The following DNAH9 variants were observed in gnomAD, a reference collection of about 807,000 sequenced individuals.
DNAH9 encodes the protein DNAH9 variant protein.
In DNAH9, 345 loss-of-function variants were observed where a neutral mutation model predicts 471.6. The observed-to-expected ratio is 0.73, with a 90% CI of 0.67 to 0.80. DNAH9 has a LOEUF of 0.80. Ranked by LOEUF, DNAH9 falls within the 30% of genes least tolerant of loss-of-function variation. The pLI is 0.00. For synonymous variants in DNAH9, 2,093 were observed against 2,123.6 expected (o/e 0.99, Z 0.40); for missense variants, 5,407 against 5,609.2 (o/e 0.96, Z 1.15).
intron 48 of DNAH9, among the ~76,000 whole-genome samples, chr17:11,832,638 CCTTTT>C (rs1445154299): frequency 2.0e-5 from 3 of 151,756 alleles, no homozygotes; most frequent in Non-Finnish European, 2.9e-5. Flanking sequence ...TTTTCCCTTT[CCTTTT>C]CTTTTCTTTT....
At chr17:11,815,660 G>A (rs944355327) in intron 45 of DNAH9, among the ~76,000 whole-genome samples, 1 of 152,060 alleles carries the variant, frequency 6.6e-6, no homozygotes, top group South Asian at 2.1e-4. Flanking sequence ...TTGATGGAGC[G>A]CACCTCAGGT....
intron 9 of DNAH9, among the ~76,000 whole-genome samples, chr17:11,637,546 A>G (rs1255270079): frequency 6.6e-6 from 1 of 152,062 alleles, no homozygotes; most frequent in African/African-American, 2.4e-5. Context: ...TGCAGGAGCT[A>G]TGACCCTGCC....
At chr17:11,790,806 T>A (rs1969037593) in intron 41 of DNAH9, among the ~76,000 whole-genome samples, 1 of 152,164 alleles carries the variant, frequency 6.6e-6, no homozygotes, top group Non-Finnish European at 1.5e-5. Flanking sequence ...TAGCATAGTA[T>A]ACATCCTTTT....
At position 11,844,556 on chromosome 17, in the gene DNAH9, C is replaced by T. The variant is rs143880591; in HGVS notation, c.9508-9447C>T. Among the ~76,000 whole-genome samples, 5 of 152,164 alleles carry T rather than the reference C, an allele frequency of 3.3e-5. No homozygotes were observed. The East Asian group carries it at 7.7e-4, about 24-fold the overall frequency. Reference sequence around the variant, plus strand: ...GGGTAGCTGGGATTGCAGGCGCACACCACCATGCCCGACTAATTTTTTGTA... The same window carrying T: ...GGGTAGCTGGGATTGCAGGCGCACATCACCATGCCCGACTAATTTTTTGTA... On this transcript the variant is annotated intron_variant, in intron 49 of 68. Transcript: ENST00000262442.
intron 42 of DNAH9, among the ~76,000 whole-genome samples, chr17:11,793,991 C>G (rs1354879936): frequency 6.6e-6 from 1 of 151,534 alleles, no homozygotes; most frequent in Admixed American, 6.6e-5. Flanking sequence ...CCATTGTTTC[C>G]AAGGCCGCCA....
At chr17:11,968,075 A>G (rs939007101) in intron 68 of DNAH9, among the ~76,000 whole-genome samples, 1 of 152,182 alleles carries the variant, frequency 6.6e-6, no homozygotes, top group Non-Finnish European at 1.5e-5. Flanking sequence ...ATGATCATAG[A>G]GTTTCTTTTT....
chr17:11,626,780 T>G lies in DNAH9; in HGVS notation c.1351-2637T>G, dbSNP rs943104907. Reference sequence around the variant, plus strand: ...CTTATAATTCTCTTCTCTTGTCTATTTTTTTTCACCAACTGCTCTTCAGAT... The same window carrying G: ...CTTATAATTCTCTTCTCTTGTCTATGTTTTTTCACCAACTGCTCTTCAGAT... On this transcript the variant is annotated intron_variant, in intron 6 of 68. Transcript: ENST00000262442. The surrounding 1 kb of genome is among the most constrained non-coding windows in gnomAD (Gnocchi z 4.3). Among the ~76,000 whole-genome samples, 1 of 152,092 alleles carries G rather than the reference T, an allele frequency of 6.6e-6. No homozygotes were observed. Among genetic ancestry groups the G allele is most frequent in the African/African-American group, 2.4e-5 (1 of 41,416 alleles).
chr17:11,780,365 G>A lies in DNAH9; in HGVS notation c.7553-644G>A, dbSNP rs566208185. 5.3e-5 allele frequency among the ~76,000 whole-genome samples: 8 copies of A among 152,268 alleles called. No homozygotes were observed. In the South Asian group the frequency reaches 1.7e-3, roughly 31 times the overall value. ...AGATGAACTCTCTGGGAACACTGTTGGCAAAACATCCATTGAGGCCTCTCT... is the reference window on the plus strand; with the variant it reads ...AGATGAACTCTCTGGGAACACTGTTAGCAAAACATCCATTGAGGCCTCTCT... On this transcript the variant is annotated intron_variant, in intron 38 of 68. Transcript: ENST00000262442.
intron 28 of DNAH9, among the ~76,000 whole-genome samples, chr17:11,731,069 T>A (rs1209219943): frequency 1.5e-5 from 2 of 134,380 alleles, no homozygotes; most frequent in Non-Finnish European, 3.2e-5. Context: ...ATGATGATGG[T>A]GATGATAGTG....
intron 66 of DNAH9, among the ~76,000 whole-genome samples, chr17:11,940,394 C>T (rs917508256): frequency 2.6e-5 from 4 of 152,194 alleles, no homozygotes; most frequent in East Asian, 3.9e-4. Flanking sequence ...ACGATCTTTT[C>T]GTCTCTTTGT....
chr17:11,672,234 G>A (rs1016096316), intron 17 of DNAH9, among the ~76,000 whole-genome samples: 10 of 152,028 alleles, frequency 6.6e-5, no homozygotes, highest in African/African-American at 2.2e-4. Context: ...GCCCTAATCT[G>A]ACTCAACCCC....
chr17:11,837,595 T>C (rs1268666064), intron 49 of DNAH9, among the ~76,000 whole-genome samples: 1 of 152,196 alleles, frequency 6.6e-6, no homozygotes, highest in East Asian at 1.9e-4. Flanking sequence ...CTCTCTCTGC[T>C]CCTACCCATA....
intron 19 of DNAH9, among the ~76,000 whole-genome samples, chr17:11,682,392 C>T (rs1250801561): frequency 6.6e-6 from 1 of 152,100 alleles, no homozygotes; most frequent in East Asian, 1.9e-4. Flanking sequence ...GCTGGGACTA[C>T]AAGCATGCTC....
At position 11,783,679 on chromosome 17, in the gene DNAH9, C is replaced by T; in HGVS notation, c.7752C>T (p.Ile2584=). The T allele has an allele frequency of 6.2e-7, 1 of 1,614,108 alleles. No homozygotes were observed. The highest frequency in any genetic ancestry group is 8.5e-7 in the Non-Finnish European group (1 of 1,180,022). Reference sequence around the variant, plus strand: ...GGAGCAAGCTGTCCCTAAAGGAGATCACAAATGTACAGTATGTTTCCTGTA... The same window carrying T: ...GGAGCAAGCTGTCCCTAAAGGAGATTACAAATGTACAGTATGTTTCCTGTA... ...YDRSKLSLKE[I]TNVQYVSCMN... Residue 2584 remains isoleucine, a synonymous_variant, in exon 40 of 69, where the codon ATC becomes ATT. Coordinates refer to ENST00000262442, the MANE Select transcript of DNAH9 (RefSeq NM_001372.4).
At chr17:11,771,649 G>C (rs1022918624) in intron 38 of DNAH9, among the ~76,000 whole-genome samples, 1 of 152,112 alleles carries the variant, frequency 6.6e-6, no homozygotes, top group Non-Finnish European at 1.5e-5. Flanking sequence ...TTAGCAGTTC[G>C]CTGTCTGCCT....
intron 43 of DNAH9, among the ~76,000 whole-genome samples, chr17:11,802,790 A>G (rs1969516675): frequency 6.6e-6 from 1 of 152,018 alleles, no homozygotes; most frequent in Non-Finnish European, 1.5e-5. Context: ...TGTTCTCACC[A>G]CTCGAGCTCG....
intron 23 of DNAH9, 26 bp from the exon 24 acceptor site, chr17:11,701,096 G>C (rs367546589): frequency 2.1e-5 from 34 of 1,613,674 alleles, no homozygotes; most frequent in Non-Finnish European, 2.6e-5. Context: ...CAGGCACCCA[G>C]TGTCTAACCT....
rs188902970 is a variant in DNAH9, at chr17:11,931,465, T to C, written c.12106-549T>C. ...CAGTCAGAGTCTCAGAAGATTTTAC[T>C]GACTGTGTGACACCCTTGTAGTGTA... On this transcript the variant is annotated intron_variant, in intron 63 of 68. Transcript: ENST00000262442. Among the ~76,000 whole-genome samples, 622 of 152,314 alleles carry C rather than the reference T, an allele frequency of 4.1e-3. 10 individuals carry two copies. Among genetic ancestry groups the C allele is most frequent in the Admixed American group, 0.017 (267 of 15,296 alleles).
chr17:11,952,877 G>T (rs1975441299), intron 67 of DNAH9, among the ~76,000 whole-genome samples: 1 of 152,080 alleles, frequency 6.6e-6, no homozygotes, highest in Non-Finnish European at 1.5e-5. Context: ...TCACAGTTGT[G>T]GAGGCTCAAA....
Sources: gnomAD v4.1 joint callset for allele counts (sites outside exome capture counted in the v4.1 genomes callset) on GRCh38, gnomAD v4.1.1 for gene constraint, Gnocchi (gnomAD v3.1) non-coding constraint, MANE v1.5 for transcripts, NCBI Gene and HGNC (gene_info 2026-07-23, HGNC 2026-07-21) for gene names.